Variants in SGCG observed in about 807,000 individuals in gnomAD.
SGCG encodes sarcoglycan gamma.
A neutral mutation model predicts 29.3 loss-of-function variants in SGCG; 26 were observed. That is an observed-to-expected ratio of 0.89 (90% CI 0.65 to 1.23). The LOEUF (loss-of-function observed/expected upper bound fraction) is 1.23. SGCG is among the 50% of genes most tolerant of loss of function. The probability of loss-of-function intolerance (pLI) is 0.00; values close to 1 mark genes in which losing one functional copy is unlikely to be tolerated. For synonymous variants in SGCG, 145 were observed against 129.7 expected (o/e 1.12, Z -0.80); for missense variants, 353 against 356.0 (o/e 0.99, Z 0.07).
the SGCG span, among the ~76,000 whole-genome samples, chr13:23,174,909 A>C: frequency 7.4e-6 from 1 of 135,808 alleles, no homozygotes. Context: ...GACCATGTAA[A>C]AGTGCAGGTA....
intron 1 of SGCG, among the ~76,000 whole-genome samples, chr13:23,197,507 G>A (rs948642134): frequency 2.0e-5 from 3 of 152,118 alleles, no homozygotes; most frequent in South Asian, 2.1e-4. Flanking sequence ...CCCTGTGAAC[G>A]GAAAGGACCT....
At chr13:23,266,513 A>G (rs1880647637) in intron 4 of SGCG, among the ~76,000 whole-genome samples, 2 of 152,126 alleles carry the variant, frequency 1.3e-5, no homozygotes, top group Non-Finnish European at 2.9e-5. Flanking sequence ...GAAGGCATAC[A>G]GAGTGGTAAA....
At chr13:23,307,466 C>T (rs1178437681) in intron 6 of SGCG, among the ~76,000 whole-genome samples, 1 of 152,102 alleles carries the variant, frequency 6.6e-6, no homozygotes, top group Non-Finnish European at 1.5e-5. Flanking sequence ...GACAGAAGTA[C>T]ACTTTACAGA....
At chr13:23,278,814 G>T (rs1212041203) in intron 4 of SGCG, among the ~76,000 whole-genome samples, 1 of 152,212 alleles carries the variant, frequency 6.6e-6, no homozygotes, top group African/African-American at 2.4e-5. Context: ...AATGTCTTAG[G>T]GGAAGGGCAA....
At chr13:23,172,092 C>G in the SGCG span, among the ~76,000 whole-genome samples, 1 of 152,202 alleles carries the variant, frequency 6.6e-6, no homozygotes, top group Non-Finnish European at 1.5e-5. Context: ...CCTGGATTAA[C>G]CTCTCCTTAC....
intron 5 of SGCG, among the ~76,000 whole-genome samples, chr13:23,293,234 T>C (rs1348885463): frequency 6.6e-6 from 1 of 152,236 alleles, no homozygotes; most frequent in Non-Finnish European, 1.5e-5. Context: ...ATAATTTACA[T>C]AAATTATAAT....
the SGCG span, among the ~76,000 whole-genome samples, chr13:23,175,404 T>C: frequency 2.6e-5 from 4 of 152,174 alleles, no homozygotes; most frequent in Admixed American, 2.6e-4. Context: ...TAATTACTCT[T>C]AACATATTTC....
intron 2 of SGCG, among the ~76,000 whole-genome samples, chr13:23,218,142 C>T (rs1313258599): frequency 1.3e-5 from 2 of 151,940 alleles, no homozygotes; most frequent in East Asian, 1.9e-4. Context: ...TTAGTGTTAC[C>T]TTATGCAACC....
rs1258971348 is a variant in SGCG, at chr13:23,280,819, G to T, written c.505+1341G>T. On this transcript the variant is annotated intron_variant, in intron 5 of 7. Transcript: ENST00000218867. Reference sequence around the variant, plus strand: ...GTTCTTGGTAGAGTATCATTGTACTGCAGGGCAGTGAAATCTGCAGGGAAA... The same window carrying T: ...GTTCTTGGTAGAGTATCATTGTACTTCAGGGCAGTGAAATCTGCAGGGAAA... 2.6e-5 allele frequency among the ~76,000 whole-genome samples: 4 copies of T among 152,202 alleles called. No individual in the cohort carries two copies. The East Asian group carries it at 7.7e-4, about 29-fold the overall frequency.
At position 23,308,653 on chromosome 13, in the gene SGCG, C is replaced by G. The variant is rs541540249; in HGVS notation, c.579-11984C>G. 5.9e-5 allele frequency among the ~76,000 whole-genome samples: 9 copies of G among 152,240 alleles called. No individual in the cohort carries two copies. The East Asian group carries it at 1.7e-3, about 29-fold the overall frequency. On this transcript the variant is annotated intron_variant, in intron 6 of 7. Transcript: ENST00000218867. The stretch of plus-strand genomic sequence containing the variant: ...GATCTCAGCTCACTGCAGCCTCCAC[C>G]TCCTGGGTTTAAGTGATTCTCCCAC...
chr13:23,241,156 A>T (rs987565926), intron 3 of SGCG, among the ~76,000 whole-genome samples: 2 of 149,980 alleles, frequency 1.3e-5, no homozygotes, highest in African/African-American at 4.9e-5. Context: ...CTCAAAAAAA[A>T]AAAAAAAGAA....
chr13:23,295,611 A>C, intron 6 of SGCG, 124 bp downstream of exon 6: 1 of 778,320 alleles, frequency 1.3e-6, no homozygotes, highest in East Asian at 2.5e-5. Flanking sequence ...CTTTATTTTC[A>C]AGACTTTCCG....
intron 1 of SGCG, among the ~76,000 whole-genome samples, chr13:23,197,739 T>C (rs532361885): frequency 1.4e-3 from 155 of 107,248 alleles, no homozygotes; most frequent in African/African-American, 4.9e-3. Context: ...TAAATATATC[T>C]TAATTGAAGC....
intron 6 of SGCG, among the ~76,000 whole-genome samples, chr13:23,313,127 T>TTGA (rs1490287285): frequency 1.3e-5 from 2 of 152,034 alleles, no homozygotes; most frequent in African/African-American, 4.8e-5. Context: ...AAGCTTTAAA[T>TTGA]TGATGCACTG....
chr13:23,279,528 C>CA, intron 5 of SGCG, 50 bp downstream of exon 5: 1 of 1,572,148 alleles, frequency 6.4e-7, no homozygotes, highest in Non-Finnish European at 8.7e-7. Context: ...TACACATCTG[C>CA]AAAAACACAT....
At chr13:23,259,661 G>C (rs564669774) in intron 4 of SGCG, among the ~76,000 whole-genome samples, 27 of 152,226 alleles carry the variant, frequency 1.8e-4, no homozygotes, top group African/African-American at 6.5e-4. Context: ...GATCTTTCCT[G>C]CTTTCTCTTG....
At chr13:23,193,551 G>A (rs1329660336) in intron 1 of SGCG, among the ~76,000 whole-genome samples, 1 of 152,120 alleles carries the variant, frequency 6.6e-6, no homozygotes, top group East Asian at 1.9e-4. Context: ...TGGCACTCAT[G>A]CTTCTGAGAT....
chr13:23,183,368 A>T (rs1172298731), intron 1 of SGCG, among the ~76,000 whole-genome samples: 1 of 152,186 alleles, frequency 6.6e-6, no homozygotes, highest in Admixed American at 6.5e-5. Context: ...TGCTTCTCAC[A>T]GTCCCCTAAG....
the SGCG span, among the ~76,000 whole-genome samples, chr13:23,175,057 A>G: frequency 2.0e-5 from 3 of 152,218 alleles, no homozygotes; most frequent in Non-Finnish European, 4.4e-5. Context: ...AACAAGAAAT[A>G]AATATGTAAG....
Sources: gnomAD v4.1 joint callset for allele counts (sites outside exome capture counted in the v4.1 genomes callset) on GRCh38, gnomAD v4.1.1 for gene constraint, MANE v1.5 for transcripts, NCBI Gene and HGNC (gene_info 2026-07-23, HGNC 2026-07-21) for gene names.